MEGF11: variants seen among roughly 807,000 people sequenced by gnomAD.
MEGF11 encodes multiple epidermal growth factor-like domains protein 11.
In MEGF11, 126 loss-of-function variants were observed where a neutral mutation model predicts 146.6. The observed-to-expected ratio is 0.86, with a 90% CI of 0.74 to 1.00. The LOEUF is 1.00. Ranked by LOEUF, MEGF11 falls within the 50% of genes least tolerant of loss-of-function variation. The probability of loss-of-function intolerance (pLI) is 0.00; values close to 1 mark genes in which losing one functional copy is unlikely to be tolerated. For missense variants in MEGF11, 1,509 were observed against 1,521.2 expected (o/e 0.99, Z 0.13); for synonymous variants, 532 against 583.4 (o/e 0.91, Z 1.27).
At chr15:65,898,459 G>A (rs566562533) in intron 25 of MEGF11, 9 of 983,400 alleles carry the variant, frequency 9.2e-6, no homozygotes, top group Middle Eastern at 5.2e-4. Context: ...GTGTGTGCGC[G>A]CGTGCACGTG....
intron 1 of MEGF11, among the ~76,000 whole-genome samples, chr15:66,192,543 A>G (rs1166151651): frequency 6.6e-6 from 1 of 151,552 alleles, no homozygotes; most frequent in Non-Finnish European, 1.5e-5. Flanking sequence ...AATCATCATA[A>G]TGAGCCTAGG....
At chr15:66,249,394 G>A (rs1189643899) in intron 1 of MEGF11, among the ~76,000 whole-genome samples, 4 of 152,090 alleles carry the variant, frequency 2.6e-5, no homozygotes, top group Admixed American at 1.3e-4. Context: ...AGGGGCTCTC[G>A]GAGTGGATGA....
intron 20 of MEGF11, 65 bp downstream of exon 20, chr15:65,913,672 C>T (rs2078889769): frequency 1.4e-6 from 2 of 1,433,304 alleles, no homozygotes; most frequent in East Asian, 2.4e-5. Flanking sequence ...CCTACAGGCA[C>T]AACCATTCCT....
intron 9 of MEGF11, among the ~76,000 whole-genome samples, chr15:65,964,022 C>T (rs1366619108): frequency 6.6e-6 from 1 of 152,170 alleles, no homozygotes; most frequent in African/African-American, 2.4e-5. Flanking sequence ...CCTGGGCTGT[C>T]CGTAGGCCTG....
chr15:66,252,324 A>G (rs2092385050), intron 1 of MEGF11, among the ~76,000 whole-genome samples: 1 of 145,942 alleles, frequency 6.9e-6, no homozygotes, highest in Non-Finnish European at 1.5e-5. Context: ...ACCCCTGCCC[A>G]AGGGAGCCGA....
intron 1 of MEGF11, among the ~76,000 whole-genome samples, chr15:66,151,682 T>C (rs192130718): frequency 6.6e-6 from 1 of 152,296 alleles, no homozygotes; most frequent in East Asian, 1.9e-4. Context: ...TTAGCTCTGG[T>C]TGACTCTTGT....
chr15:65,930,937 C>A lies in MEGF11; in HGVS notation c.1294G>T (p.Val432Phe). The change falls in exon 11 of 26, where the codon GTC becomes TTC. Residue 432 changes from valine to phenylalanine, a missense_variant. Transcript: ENST00000395614. ...CTCAPGFMGE[V>F]CAVSCAAGTY... ...CCTGCTGCACAGGAAACGGCACAGA[C>A]CTCTCCCTGGAAAGGGAGGGGGTGA... The A allele has an allele frequency of 6.3e-7, 1 of 1,587,290 alleles. No individual in the cohort carries two copies. Among genetic ancestry groups the A allele is most frequent in the Non-Finnish European group, 8.6e-7 (1 of 1,162,726 alleles).
chr15:66,041,527 A>C (rs1426707719), intron 5 of MEGF11, among the ~76,000 whole-genome samples: 1 of 152,246 alleles, frequency 6.6e-6, no homozygotes, highest in Non-Finnish European at 1.5e-5. Flanking sequence ...TGTACTGTTC[A>C]AAGGTTGGCA....
intron 5 of MEGF11, among the ~76,000 whole-genome samples, chr15:66,047,025 C>T (rs1351945149): frequency 2.0e-5 from 3 of 152,228 alleles, no homozygotes; most frequent in African/African-American, 7.2e-5. Flanking sequence ...GATTTCAGCA[C>T]ATCCCATGAA....
intron 5 of MEGF11, among the ~76,000 whole-genome samples, chr15:65,987,795 C>T (rs1015823936): frequency 1.3e-5 from 2 of 151,780 alleles, no homozygotes; most frequent in African/African-American, 4.8e-5. Context: ...ACTGCAACCT[C>T]CACCTCCTGG....
chr15:66,177,245 C>A (rs746983830), intron 1 of MEGF11, among the ~76,000 whole-genome samples: 20 of 152,144 alleles, frequency 1.3e-4, no homozygotes, highest in Non-Finnish European at 2.5e-4. Flanking sequence ...AGCGTAGATG[C>A]ATGGCAGGGA....
At chr15:65,954,306 G>A (rs1337502304) in intron 10 of MEGF11, among the ~76,000 whole-genome samples, 5 of 152,164 alleles carry the variant, frequency 3.3e-5, no homozygotes, top group Non-Finnish European at 5.9e-5. Context: ...ATCTTGAGGC[G>A]AGTCTCTGCT....
intron 8 of MEGF11, among the ~76,000 whole-genome samples, chr15:65,966,719 G>A (rs928414877): frequency 6.6e-6 from 1 of 152,084 alleles, no homozygotes; most frequent in African/African-American, 2.4e-5. Flanking sequence ...GTGTGTCTGG[G>A]CTAGTACTTG....
Position 65,916,145 on chromosome 15 carries a change from T to TA in MEGF11, c.2344+2dup. ...CCCAGGATCAGGGGTCAGGGCAGCT[T>TA]ACTCTGCTCACAGTGTTGCCCGGTG... On this transcript the variant is annotated splice_region_variant and intron_variant, in intron 18 of 25. Transcript: ENST00000395614. 1 of 1,586,840 alleles carries TA rather than the reference T, an allele frequency of 6.3e-7. No homozygotes were observed. Among genetic ancestry groups the TA allele is most frequent in the Non-Finnish European group, 8.6e-7 (1 of 1,165,144 alleles).
intron 1 of MEGF11, among the ~76,000 whole-genome samples, chr15:66,170,763 A>C (rs1731246738): frequency 1.3e-5 from 2 of 149,922 alleles, no homozygotes. Flanking sequence ...GAAGACCCCC[A>C]CTCCCCATCC....
intron 4 of MEGF11, among the ~76,000 whole-genome samples, chr15:66,109,603 T>C (rs1358258916): frequency 6.6e-6 from 1 of 152,174 alleles, no homozygotes; most frequent in African/African-American, 2.4e-5. Flanking sequence ...AACAACGTGC[T>C]CGGGGGCACA....
At chr15:66,240,892 A>T (rs2092195779) in intron 1 of MEGF11, among the ~76,000 whole-genome samples, 1 of 152,182 alleles carries the variant, frequency 6.6e-6, no homozygotes, top group Non-Finnish European at 1.5e-5. Flanking sequence ...TGGCATCAGA[A>T]ATATTATTAA....
intron 1 of MEGF11, among the ~76,000 whole-genome samples, chr15:66,221,533 C>T (rs1217551972): frequency 6.6e-6 from 1 of 151,810 alleles, no homozygotes; most frequent in Non-Finnish European, 1.5e-5. Flanking sequence ...GGACTCAGAC[C>T]ATACCACCCT....
intron 5 of MEGF11, among the ~76,000 whole-genome samples, chr15:66,037,717 G>C (rs1226717601): frequency 6.6e-6 from 1 of 152,246 alleles, no homozygotes; most frequent in Non-Finnish European, 1.5e-5. Flanking sequence ...GCAGGCAGGA[G>C]TTTATTTCCC....
Sources: gnomAD v4.1 joint callset for allele counts (sites outside exome capture counted in the v4.1 genomes callset) on GRCh38, gnomAD v4.1.1 for gene constraint, MANE v1.5 for transcripts, NCBI Gene and HGNC (gene_info 2026-07-23, HGNC 2026-07-21) for gene names.